The following CALCOCO2 variants were observed in gnomAD, a reference collection of about 807,000 sequenced individuals.
CALCOCO2 encodes the protein calcium-binding and coiled-coil domain-containing protein 2.
Under a neutral mutation model 62.5 loss-of-function variants are expected in CALCOCO2, and 42 were observed. The observed-to-expected ratio is 0.67, with a 90% CI of 0.53 to 0.87. The LOEUF is 0.87. Ranked by LOEUF, CALCOCO2 falls within the 40% of genes least tolerant of loss-of-function variation. The pLI is 0.00. For synonymous variants in CALCOCO2, 167 were observed against 173.0 expected, an observed-to-expected ratio of 0.97 and a Z score of 0.27; for missense variants, 456 against 515.0, an observed-to-expected ratio of 0.89 and a Z score of 1.11.
chr17:48,841,679 G>A lies in CALCOCO2; in HGVS notation c.-10-19G>A. On this transcript the variant is annotated intron_variant, in intron 1 of 12. Coordinates refer to ENST00000258947, the MANE Select transcript of CALCOCO2 (RefSeq NM_005831.5). The stretch of plus-strand genomic sequence containing the variant: ...GACAATGCTTTCTGAGCCTTACTCT[G>A]TTCCACATTTCATAACAGGACCCCT... The A allele has an allele frequency of 1.3e-6, 2 of 1,555,604 alleles. No individual in the cohort carries two copies. Among genetic ancestry groups the A allele is most frequent in the Non-Finnish European group, 1.8e-6 (2 of 1,136,756 alleles).
chr17:48,837,003 T>C (rs2039902640), intron 1 of CALCOCO2, among the ~76,000 whole-genome samples: 1 of 152,174 alleles, frequency 6.6e-6, no homozygotes, highest in Non-Finnish European at 1.5e-5. Context: ...TCAGGTGATC[T>C]GCCTGCCTTG....
chr17:48,846,489 G>A (rs2040054836), intron 2 of CALCOCO2: 2 of 1,497,020 alleles, frequency 1.3e-6, no homozygotes, highest in Non-Finnish European at 1.8e-6. Flanking sequence ...CTACTCAAAT[G>A]GAGGAGCCAA....
intron 9 of CALCOCO2, among the ~76,000 whole-genome samples, chr17:48,854,381 T>TA (rs1567757277): frequency 3.2e-3 from 22 of 6,872 alleles, no homozygotes; most frequent in Non-Finnish European, 0.017. Context: ...TTTTCTTTTA[T>TA]TTATATATAT....
At chr17:48,834,612 G>A (rs2039865391) in intron 1 of CALCOCO2, among the ~76,000 whole-genome samples, 1 of 152,100 alleles carries the variant, frequency 6.6e-6, no homozygotes, top group South Asian at 2.1e-4. Flanking sequence ...CAGTTCTCTG[G>A]GCTTCTAAAT....
rs1441551322 is a variant in CALCOCO2, at chr17:48,854,411, T to A, written c.912+1399T>A. ...ATATATATATATTTTTTTTTTTTTT[T>A]TTTTTTTTTTTTTTGAGACAGTCTT... On this transcript the variant is annotated intron_variant, in intron 9 of 12. Transcript: ENST00000258947. 6.4e-4 allele frequency among the ~76,000 whole-genome samples: 25 copies of A among 38,828 alleles called. 5 individuals carry two copies. The East Asian group carries it at 0.03, about 47-fold the overall frequency. 25.5% of individuals were successfully genotyped at this position (38,828 alleles called of 152,430 possible).
At position 48,864,952 on chromosome 17, in the gene CALCOCO2, ATT is replaced by A. The variant is rs1388712247; in HGVS notation, c.*1948_*1949del. 1 of 152,164 alleles carries A rather than the reference ATT, an allele frequency of 6.6e-6. No individual in the cohort carries two copies. Among genetic ancestry groups the A allele is most frequent in the African/African-American group, 2.4e-5 (1 of 41,438 alleles). 9.4% of individuals were successfully genotyped at this position (152,164 alleles called of 1,614,324 possible). ...TTTATTTTGTACCAGTCAGCTCTTA[ATT>A]AAGTACATGAATGGAGAGGAACAGT... On this transcript the variant is annotated 3_prime_UTR_variant, in exon 13 of 13. Coordinates refer to ENST00000258947, the MANE Select transcript of CALCOCO2 (RefSeq NM_005831.5).
rs779677374 is a variant in CALCOCO2 at position 48,863,004 on chromosome 17, G to C, written c.1340G>C (p.Ter447SerextTer30). The C allele has an allele frequency of 5.0e-6, 8 of 1,607,284 alleles. No individual in the cohort carries two copies. The highest frequency in any genetic ancestry group is 6.8e-6 in the Non-Finnish European group (8 of 1,173,806). ...GACCACGTGTTCTGCCACTCTCTCT[G>C]AGTATCCCAACCTCTTGGATGTATA... is the stretch of plus-strand genomic sequence containing the variant. ...FEDHVFCHSL[*>S] is the part of the protein sequence containing the mutation. The change falls in exon 13 of 13, where the codon TGA becomes TCA. Residue 447 changes from the stop codon to serine, a stop_lost. Transcript: ENST00000258947.
chr17:48,833,026 AG>A (rs898307716), intron 1 of CALCOCO2, among the ~76,000 whole-genome samples: 2 of 152,182 alleles, frequency 1.3e-5, no homozygotes, highest in Non-Finnish European at 2.9e-5. Context: ...ATTTTAGGTA[AG>A]GGTCTAGAAT....
chr17:48,832,805 C>T (rs771012459), intron 1 of CALCOCO2, among the ~76,000 whole-genome samples: 1 of 152,202 alleles, frequency 6.6e-6, no homozygotes, highest in Non-Finnish European at 1.5e-5. Context: ...AGCTTTGAGC[C>T]TTTCAGAGTT....
intron 1 of CALCOCO2, among the ~76,000 whole-genome samples, chr17:48,835,397 G>A (rs1166104808): frequency 6.6e-6 from 1 of 152,122 alleles, no homozygotes; most frequent in Non-Finnish European, 1.5e-5. Flanking sequence ...CCCAGCCTTG[G>A]CAGAGGAGAA....
In CALCOCO2 at chr17:48,865,078, A is replaced by G. The variant is rs1434011487; in HGVS notation, c.*2073A>G. ...GGTTACCATGATTGTCAACAGCAGC[A>G]GGAGCCCTTCCACAGGGCTTGGTAA... On this transcript the variant is annotated 3_prime_UTR_variant, in exon 13 of 13. Transcript: ENST00000258947. The G allele has an allele frequency of 6.6e-6, 1 of 152,220 alleles. No homozygotes were observed. The highest frequency in any genetic ancestry group is 1.5e-5 in the Non-Finnish European group (1 of 68,042). The allele number at this position is 152,220 out of a possible 1,614,324, so 9.4% of individuals were successfully genotyped here.
chr17:48,834,635 C>G (rs2039865998), intron 1 of CALCOCO2, among the ~76,000 whole-genome samples: 1 of 152,158 alleles, frequency 6.6e-6, no homozygotes, highest in Non-Finnish European at 1.5e-5. Context: ...AACTTTTGCT[C>G]TTATATTTCT....
chr17:48,854,591 A>G (rs529555399), intron 9 of CALCOCO2, among the ~76,000 whole-genome samples: 1 of 149,496 alleles, frequency 6.7e-6, no homozygotes, highest in Non-Finnish European at 1.5e-5. Flanking sequence ...TTTTTAGTAG[A>G]GACGGGGTTT....
intron 10 of CALCOCO2, among the ~76,000 whole-genome samples, chr17:48,858,227 A>G (rs754641361): frequency 6.6e-6 from 1 of 151,988 alleles, no homozygotes. Context: ...ACTTTTGATT[A>G]TATCATTTAT....
intron 9 of CALCOCO2, among the ~76,000 whole-genome samples, chr17:48,853,552 C>G (rs1266928718): frequency 6.6e-6 from 1 of 152,188 alleles, no homozygotes; most frequent in South Asian, 2.1e-4. Flanking sequence ...CATGAGTAAT[C>G]CTGATGTCTG....
Position 48,851,089 on chromosome 17 carries a change from G to A in CALCOCO2, c.544G>A (p.Glu182Lys). Residue 182 changes from glutamate to lysine, a missense_variant and splice_region_variant, in exon 6 of 13, where the codon GAG becomes AAG. Glu to Lys is a moderately conservative substitution (Grantham distance 56). This residue lies in a region of CALCOCO2 where 236 missense variants were observed against 225.3 expected (regional missense o/e 1.05). Coordinates refer to ENST00000258947, the MANE Select transcript of CALCOCO2 (RefSeq NM_005831.5). ...DMQAELQKKQ[E>K]ELETLQSINK... ...CCTTTGATGTTGTTTCAATCTATAG[G>A]AGGAGCTAGAAACCCTACAGAGCAT... is the stretch of plus-strand genomic sequence containing the variant. 1.9e-6 allele frequency: 3 copies of A among 1,564,902 alleles called. No individual in the cohort carries two copies. Among genetic ancestry groups the A allele is most frequent in the Non-Finnish European group, 2.6e-6 (3 of 1,135,178 alleles).
At chr17:48,858,054 TAGAATAGAATAGA>T (rs2040265467) in intron 10 of CALCOCO2, among the ~76,000 whole-genome samples, 1 of 139,746 alleles carries the variant, frequency 7.2e-6, no homozygotes, top group African/African-American at 2.6e-5. Flanking sequence ...GAAAATAGAA[TAGAATAGAATAGA>T]ATAGAATTTT....
At chr17:48,846,402 C>A in intron 2 of CALCOCO2, 1 of 837,646 alleles carries the variant, frequency 1.2e-6, no homozygotes, top group South Asian at 1.5e-5. Flanking sequence ...CTTTCCTTCC[C>A]TCAGTGTATA....
chr17:48,853,776 T>C (rs1170080840), intron 9 of CALCOCO2, among the ~76,000 whole-genome samples: 1 of 152,240 alleles, frequency 6.6e-6, no homozygotes, highest in Non-Finnish European at 1.5e-5. Flanking sequence ...ATATTTCCCA[T>C]AAAAATTTGT....
Sources: allele counts gnomAD v4.1 joint callset (sites outside exome capture counted in the v4.1 genomes callset), GRCh38; gene constraint gnomAD v4.1.1; regional missense constraint gnomAD v4.1.1; transcripts MANE v1.5; gene names NCBI Gene and HGNC (gene_info 2026-07-23, HGNC 2026-07-21).